ADCY2: variants seen among roughly 807,000 people sequenced by gnomAD.
ADCY2 encodes the protein adenylate cyclase type 2.
A neutral mutation model predicts 125.2 loss-of-function variants in ADCY2; 31 were observed. That is an observed-to-expected ratio of 0.25 (90% CI 0.19 to 0.33). The LOEUF is 0.33. Ranked by LOEUF, ADCY2 falls within the 10% of genes least tolerant of loss-of-function variation. The pLI is 1.00. For missense variants in ADCY2, 904 were observed against 1,418.2 expected, an observed-to-expected ratio of 0.64 and a Z score of 5.82; for synonymous variants, 512 against 548.4, an observed-to-expected ratio of 0.93 and a Z score of 0.93.
At chr5:7,706,976 C>A (rs112066650) in intron 8 of ADCY2, 74 bp downstream of exon 8, 3 of 1,564,980 alleles carry the variant, frequency 1.9e-6, no homozygotes, top group African/African-American at 2.7e-5. Flanking sequence ...AGCCTAATGA[C>A]GGAGTGCTCA....
intron 4 of ADCY2, among the ~76,000 whole-genome samples, chr5:7,670,535 A>G (rs1382226232): frequency 6.6e-6 from 1 of 152,208 alleles, no homozygotes; most frequent in African/African-American, 2.4e-5. Flanking sequence ...TTTATATACT[A>G]GAAATATATG....
chr5:7,542,209 T>C (rs1735019808), intron 3 of ADCY2, among the ~76,000 whole-genome samples: 2 of 152,118 alleles, frequency 1.3e-5, no homozygotes, highest in South Asian at 2.1e-4. Context: ...ATGGTCCAAA[T>C]AGGAGACTCA....
At chr5:7,482,216 G>T (rs1298293021) in intron 2 of ADCY2, among the ~76,000 whole-genome samples, 2 of 152,048 alleles carry the variant, frequency 1.3e-5, no homozygotes, top group African/African-American at 4.8e-5. Context: ...TTGTTCACTT[G>T]TATGTATCCT....
rs59664339 is a variant in ADCY2, at chr5:7,658,431, G to GTGTGTGTGTGTATA, written c.720+32116_720+32117insGTGTGTGTGTATAT. Reference sequence around the variant, plus strand: ...TGTGTGTGTGTGTGTGTGTGTGTGTGTATATATATATATATTTGAGATGGA... The same window carrying GTGTGTGTGTGTATA: ...TGTGTGTGTGTGTGTGTGTGTGTGTGTGTGTGTGTGTATATATATATATATATATTTGAGATGGA... On this transcript the variant is annotated intron_variant, in intron 4 of 24. Coordinates refer to ENST00000338316, the MANE Select transcript of ADCY2 (RefSeq NM_020546.3). Among the ~76,000 whole-genome samples the GTGTGTGTGTGTATA allele has an allele frequency of 1.8e-4, 26 of 143,014 alleles. No individual in the cohort carries two copies. The East Asian group carries it at 5.6e-3, about 31-fold the overall frequency. The allele number at this position is 143,014 out of a possible 152,430, so 93.8% of individuals were successfully genotyped here.
At chr5:7,588,561 C>T (rs540701864) in intron 3 of ADCY2, among the ~76,000 whole-genome samples, 368 of 152,202 alleles carry the variant, frequency 2.4e-3, no homozygotes, top group Non-Finnish European at 3.7e-3. Context: ...CTGTAAAGGC[C>T]GAGACAATAC....
In ADCY2 at chr5:7,700,130, A is replaced by G. The variant is rs77776497; in HGVS notation, c.1109+1756A>G. Among the ~76,000 whole-genome samples the G allele has an allele frequency of 7.8e-3, 1,184 of 152,352 alleles. 14 individuals carry two copies. Among genetic ancestry groups the G allele is most frequent in the African/African-American group, 0.027 (1,130 of 41,572 alleles). On this transcript the variant is annotated intron_variant, in intron 7 of 24. Coordinates refer to ENST00000338316, the MANE Select transcript of ADCY2 (RefSeq NM_020546.3). ...CTGCAGTTAATATAAAAACCAATAC[A>G]AAAATATTTTCATCGAGTCAAAAAT...
At chr5:7,514,025 G>C (rs1419570456) in intron 2 of ADCY2, among the ~76,000 whole-genome samples, 1 of 152,090 alleles carries the variant, frequency 6.6e-6, no homozygotes, top group African/African-American at 2.4e-5. Flanking sequence ...TGCTGATTCT[G>C]CTTGCTTATA....
intron 4 of ADCY2, among the ~76,000 whole-genome samples, chr5:7,637,401 C>A (rs1295893148): frequency 7.6e-6 from 1 of 132,258 alleles, no homozygotes; most frequent in Non-Finnish European, 1.5e-5. Flanking sequence ...CACTGCACTA[C>A]AGCCTGGGTA....
chr5:7,436,452 G>T (rs912407162), intron 2 of ADCY2, among the ~76,000 whole-genome samples: 1 of 152,264 alleles, frequency 6.6e-6, no homozygotes, highest in East Asian at 1.9e-4. Flanking sequence ...CCTTGGCTTC[G>T]ATGTCTCTGT....
chr5:7,811,998 GT>G (rs1269057962), intron 22 of ADCY2, among the ~76,000 whole-genome samples: 2 of 152,204 alleles, frequency 1.3e-5, no homozygotes, highest in African/African-American at 4.8e-5. Context: ...CAGTCTGGGA[GT>G]GAACCGGGAG....
At chr5:7,792,811 C>A (rs763506897) in intron 20 of ADCY2, among the ~76,000 whole-genome samples, 1 of 152,192 alleles carries the variant, frequency 6.6e-6, no homozygotes, top group Admixed American at 6.5e-5. Context: ...GTCCGAGCCT[C>A]GCCGTCCTCA....
intron 4 of ADCY2, among the ~76,000 whole-genome samples, chr5:7,653,772 T>A (rs1336866128): frequency 6.6e-6 from 1 of 152,210 alleles, no homozygotes; most frequent in Non-Finnish European, 1.5e-5. Context: ...AAAATTGCCT[T>A]AGATAACCTT....
intron 2 of ADCY2, among the ~76,000 whole-genome samples, chr5:7,497,466 T>G (rs1743380280): frequency 6.6e-6 from 1 of 152,150 alleles, no homozygotes; most frequent in Admixed American, 6.5e-5. Flanking sequence ...AAATTACAGT[T>G]TCCAGTTTCA....
chr5:7,766,569 A>T, intron 16 of ADCY2, 118 bp from the exon 17 acceptor site: 1 of 989,566 alleles, frequency 1.0e-6, no homozygotes, highest in Non-Finnish European at 1.5e-6. Context: ...TCCCGAGTCC[A>T]CATAAACAAT....
chr5:7,513,521 A>G (rs1744152176), intron 2 of ADCY2, among the ~76,000 whole-genome samples: 1 of 152,258 alleles, frequency 6.6e-6, no homozygotes, highest in African/African-American at 2.4e-5. Flanking sequence ...ATGGTATCAA[A>G]GTCATCAGTA....
At chr5:7,513,202 A>G (rs1466916879) in intron 2 of ADCY2, among the ~76,000 whole-genome samples, 1 of 152,026 alleles carries the variant, frequency 6.6e-6, no homozygotes, top group Non-Finnish European at 1.5e-5. Context: ...AAATAGGGTA[A>G]TCATAAAGAG....
At chr5:7,714,814 C>T (rs1266748601) in intron 11 of ADCY2, among the ~76,000 whole-genome samples, 3 of 152,248 alleles carry the variant, frequency 2.0e-5, no homozygotes, top group Non-Finnish European at 1.5e-5. Flanking sequence ...AGTGGACTGC[C>T]TCATAATACC....
intron 15 of ADCY2, among the ~76,000 whole-genome samples, chr5:7,746,044 C>T (rs893305368): frequency 1.3e-5 from 2 of 152,200 alleles, no homozygotes; most frequent in Non-Finnish European, 2.9e-5. Flanking sequence ...AGCCTGAGGC[C>T]CCGGTAAGCT....
At chr5:7,798,862 C>T (rs1744508662) in intron 20 of ADCY2, 1 of 152,192 alleles carries the variant, frequency 6.6e-6, no homozygotes, top group Non-Finnish European at 1.5e-5. Flanking sequence ...CCAACGCGCC[C>T]TGCCAAGTTT....
Sources: allele counts gnomAD v4.1 joint callset (sites outside exome capture counted in the v4.1 genomes callset), GRCh38; gene constraint gnomAD v4.1.1; transcripts MANE v1.5; gene names NCBI Gene and HGNC (gene_info 2026-07-23, HGNC 2026-07-21).